GRM8: variants seen among roughly 807,000 people sequenced by gnomAD.
GRM8 encodes the protein glutamate metabotropic receptor 8, also known as metabotropic glutamate receptor 8.
Under a neutral mutation model 87.2 loss-of-function variants are expected in GRM8, and 47 were observed. That is an observed-to-expected ratio of 0.54 (90% CI 0.43 to 0.69). The LOEUF is 0.69. Ranked by LOEUF, GRM8 falls within the 30% of genes least tolerant of loss-of-function variation. The pLI, the probability that GRM8 is intolerant of heterozygous loss-of-function variation, is 0.00. For synonymous variants in GRM8, 396 were observed against 404.5 expected (o/e 0.98, Z 0.25); for missense variants, 1,019 against 1,139.2 (o/e 0.89, Z 1.52).
intron 2 of GRM8, among the ~76,000 whole-genome samples, chr7:127,227,884 C>T (rs1485781548): frequency 6.6e-6 from 1 of 152,236 alleles, no homozygotes; most frequent in Non-Finnish European, 1.5e-5. Context: ...ACTGAGGCCA[C>T]TGCCCACCAT....
At chr7:126,808,897 T>C (rs1344765853) in intron 6 of GRM8, among the ~76,000 whole-genome samples, 1 of 152,186 alleles carries the variant, frequency 6.6e-6, no homozygotes, top group African/African-American at 2.4e-5. Context: ...ATGGATTAGT[T>C]TCCTATTGAA....
intron 3 of GRM8, among the ~76,000 whole-genome samples, chr7:127,044,384 G>A (rs1818730295): frequency 6.6e-6 from 1 of 152,106 alleles, no homozygotes; most frequent in Non-Finnish European, 1.5e-5. Context: ...TTGCCCTAGA[G>A]TAACCAAGAT....
chr7:126,954,495 ATTAT>A (rs909945619), intron 3 of GRM8, among the ~76,000 whole-genome samples: 1 of 152,148 alleles, frequency 6.6e-6, no homozygotes, highest in African/African-American at 2.4e-5. Flanking sequence ...TATACTAAAA[ATTAT>A]TTGTTATCTG....
intron 7 of GRM8, among the ~76,000 whole-genome samples, chr7:126,697,172 A>T (rs928975425): frequency 6.6e-6 from 1 of 152,010 alleles, no homozygotes; most frequent in African/African-American, 2.4e-5. Context: ...AATTAAAAAA[A>T]AAAAAAAAAA....
At position 126,823,394 on chromosome 7, in the gene GRM8, C is replaced by T. The variant is rs142327407; in HGVS notation, c.1157-53329G>A. ...GTTAAATTAAGATACACTGAGCAAA[C>T]ACTACTAGAGATACAGAAGTGAGGC... On this transcript the variant is annotated intron_variant, in intron 6 of 10. Coordinates refer to ENST00000339582, the MANE Select transcript of GRM8 (RefSeq NM_000845.3). 6.6e-5 allele frequency among the ~76,000 whole-genome samples: 10 copies of T among 152,286 alleles called. No homozygotes were observed. In the East Asian group the frequency reaches 1.7e-3, roughly 26 times the overall value.
intron 6 of GRM8, among the ~76,000 whole-genome samples, chr7:126,830,428 C>A (rs903302002): frequency 6.6e-6 from 1 of 152,090 alleles, no homozygotes; most frequent in Non-Finnish European, 1.5e-5. Context: ...CTCTAAACTT[C>A]CCTTCTCGCT....
intron 3 of GRM8, among the ~76,000 whole-genome samples, chr7:127,059,331 C>CTTTTTTTTTTTTT (rs10618329): frequency 2.3e-5 from 3 of 130,590 alleles, no homozygotes; most frequent in Non-Finnish European, 4.9e-5. Context: ...TTTTTTTTTG[C>CTTTTTTTTTTTTT]TTTTTTTTTT....
At chr7:126,840,125 T>C (rs1488536947) in intron 6 of GRM8, among the ~76,000 whole-genome samples, 2 of 152,192 alleles carry the variant, frequency 1.3e-5, no homozygotes, top group Non-Finnish European at 2.9e-5. Flanking sequence ...TATTCAAGCC[T>C]GATAGGTAAT....
At chr7:126,722,314 T>C (rs1812474554) in intron 7 of GRM8, among the ~76,000 whole-genome samples, 2 of 152,170 alleles carry the variant, frequency 1.3e-5, no homozygotes, top group Admixed American at 1.3e-4. Flanking sequence ...TTCTATTTTG[T>C]TATCCCTTTC....
chr7:127,043,318 A>G (rs150022905), intron 3 of GRM8, among the ~76,000 whole-genome samples: 3,634 of 152,348 alleles, frequency 0.024, 146 homozygotes, highest in African/African-American at 0.082. Context: ...ATGCACATGT[A>G]TGTTTATTGT....
intron 7 of GRM8, among the ~76,000 whole-genome samples, chr7:126,750,339 G>C (rs985172407): frequency 2.0e-5 from 3 of 152,052 alleles, no homozygotes; most frequent in African/African-American, 7.2e-5. Flanking sequence ...ACTGCAGAGA[G>C]ACAGGAGAGA....
chr7:126,925,550 AT>A (rs746228650), intron 3 of GRM8, among the ~76,000 whole-genome samples: 8 of 152,298 alleles, frequency 5.3e-5, no homozygotes, highest in South Asian at 2.1e-4. Flanking sequence ...TCTAAAAAAA[AT>A]ATTGTCCATA....
At chr7:126,967,643 C>T (rs1810013501) in intron 3 of GRM8, among the ~76,000 whole-genome samples, 1 of 152,006 alleles carries the variant, frequency 6.6e-6, no homozygotes, top group South Asian at 2.1e-4. Context: ...TCCATTTGCC[C>T]CCAAATGCAA....
chr7:126,813,631 C>T (rs1271590663), intron 6 of GRM8, among the ~76,000 whole-genome samples: 1 of 152,086 alleles, frequency 6.6e-6, no homozygotes, highest in Non-Finnish European at 1.5e-5. Flanking sequence ...CCAACAGCAT[C>T]TTGGAGAAAC....
At chr7:126,842,400 A>G (rs1272895758) in intron 6 of GRM8, among the ~76,000 whole-genome samples, 2 of 152,260 alleles carry the variant, frequency 1.3e-5, no homozygotes, top group Non-Finnish European at 2.9e-5. Flanking sequence ...TAGTAAGAAG[A>G]AAAAGACTTG....
At chr7:126,891,520 C>A (rs1211010779) in intron 6 of GRM8, among the ~76,000 whole-genome samples, 1 of 152,038 alleles carries the variant, frequency 6.6e-6, no homozygotes, top group Admixed American at 6.6e-5. Context: ...TTGCCTAGGT[C>A]TCTATCCTTA....
At chr7:126,693,522 A>G (rs948069368) in intron 7 of GRM8, among the ~76,000 whole-genome samples, 3 of 152,178 alleles carry the variant, frequency 2.0e-5, no homozygotes, top group South Asian at 2.1e-4. Flanking sequence ...TTAAATTATT[A>G]TAAGCAACAA....
chr7:126,855,136 C>T (rs1004494527), intron 6 of GRM8, among the ~76,000 whole-genome samples: 1 of 152,002 alleles, frequency 6.6e-6, no homozygotes, highest in African/African-American at 2.4e-5. Context: ...AGATGTAGAC[C>T]ATAACCTTAA....
intron 3 of GRM8, among the ~76,000 whole-genome samples, chr7:127,017,082 C>G (rs1354150668): frequency 6.6e-6 from 1 of 151,978 alleles, no homozygotes; most frequent in African/African-American, 2.4e-5. Flanking sequence ...ATTATAAGAT[C>G]GATTGAATGG....
Sources: gnomAD v4.1 joint callset for allele counts (sites outside exome capture counted in the v4.1 genomes callset) on GRCh38, gnomAD v4.1.1 for gene constraint, MANE v1.5 for transcripts, NCBI Gene and HGNC (gene_info 2026-07-23, HGNC 2026-07-21) for gene names.